Variants in FUT9 observed in about 807,000 individuals in gnomAD.
The protein encoded by FUT9 is 4-galactosyl-N-acetylglucosaminide 3-alpha-L-fucosyltransferase 9.
In FUT9, 15 loss-of-function variants were observed where a neutral mutation model predicts 29.7. The ratio of observed to expected loss-of-function variants is 0.51; its 90% CI spans 0.34 to 0.78. FUT9 has a LOEUF of 0.78. Ranked by LOEUF, FUT9 falls within the 30% of genes least tolerant of loss-of-function variation. The pLI is 0.01. For synonymous variants in FUT9, 169 were observed against 153.7 expected (o/e 1.10, Z -0.74); for missense variants, 319 against 425.4 (o/e 0.75, Z 2.20).
intron 2 of FUT9, among the ~76,000 whole-genome samples, chr6:96,124,303 C>T (rs1401910831): frequency 6.6e-6 from 1 of 151,612 alleles, no homozygotes; most frequent in Non-Finnish European, 1.5e-5. Context: ...AGGCGCCTGC[C>T]ACCACGACCG....
rs1562130965 is a variant in FUT9 at position 96,117,617 on chromosome 6, A to C, written c.-9+3490A>C. ...AGAATTCTTTATTTAAACACAAGAA[A>C]AGTCTCTGAGAATTTAAGTGACTTG... is the stretch of plus-strand genomic sequence containing the variant. On this transcript the variant is annotated intron_variant, in intron 2 of 2. Coordinates refer to ENST00000302103, the MANE Select transcript of FUT9 (RefSeq NM_006581.4). Among the ~76,000 whole-genome samples, 5 of 152,212 alleles carry C rather than the reference A, an allele frequency of 3.3e-5. No homozygotes were observed. In the South Asian group the frequency reaches 1.0e-3, roughly 31 times the overall value.
chr6:96,025,549 T>C (rs1457779173), intron 1 of FUT9, among the ~76,000 whole-genome samples: 1 of 151,738 alleles, frequency 6.6e-6, no homozygotes, highest in Non-Finnish European at 1.5e-5. Context: ...CCCTTAGTTA[T>C]GTTTCTGTGT....
At chr6:96,055,386 G>C (rs576292963) in intron 1 of FUT9, among the ~76,000 whole-genome samples, 1 of 149,252 alleles carries the variant, frequency 6.7e-6, no homozygotes, top group Non-Finnish European at 1.5e-5. Flanking sequence ...TTTGGGGTTT[G>C]TTTTTTTTCT....
intron 1 of FUT9, among the ~76,000 whole-genome samples, chr6:96,018,644 G>C (rs1227796711): frequency 6.6e-6 from 1 of 151,994 alleles, no homozygotes; most frequent in African/African-American, 2.4e-5. Flanking sequence ...ACGGGTTTAA[G>C]TATTTGCAAT....
chr6:96,195,421 G>A (rs1022454472), intron 2 of FUT9, among the ~76,000 whole-genome samples: 9 of 152,096 alleles, frequency 5.9e-5, no homozygotes, highest in African/African-American at 2.2e-4. Flanking sequence ...TTTGAGAAAG[G>A]TTCACAAACA....
chr6:96,203,690 G>T lies in FUT9; in HGVS notation c.535G>T (p.Val179Leu). ...GFLTVSTNPF[V>L]FEVPSKEKLV... Reference sequence around the variant, plus strand: ...CTTGACGGTAAGCACAAATCCCTTCGTGTTTGAAGTGCCAAGCAAAGAGAA... The same window carrying T: ...CTTGACGGTAAGCACAAATCCCTTCTTGTTTGAAGTGCCAAGCAAAGAGAA... The change falls in exon 3 of 3, where the codon GTG (valine) becomes TTG (leucine). Residue 179 changes from valine (V) to leucine (L), a missense_variant. Transcript: ENST00000302103. 6.2e-7 allele frequency: 1 copy of T among 1,613,990 alleles called. No individual in the cohort carries two copies. The highest frequency in any genetic ancestry group is 1.3e-5 in the African/African-American group (1 of 75,022).
intron 1 of FUT9, among the ~76,000 whole-genome samples, chr6:96,073,696 G>T (rs1290728168): frequency 6.6e-6 from 1 of 152,050 alleles, no homozygotes; most frequent in South Asian, 2.1e-4. Context: ...AAGGGCGATG[G>T]GGAACAGAAA....
chr6:96,164,819 G>T (rs1414195040), intron 2 of FUT9, among the ~76,000 whole-genome samples: 2 of 152,120 alleles, frequency 1.3e-5, no homozygotes, highest in African/African-American at 4.8e-5. Context: ...TTTATTTTTG[G>T]TTTCCAAAAC....
chr6:96,122,932 C>G (rs1053557861), intron 2 of FUT9, among the ~76,000 whole-genome samples: 1 of 151,442 alleles, frequency 6.6e-6, no homozygotes, highest in Non-Finnish European at 1.5e-5. Flanking sequence ...TGGTGGCGGG[C>G]GCCTGTAGTC....
At chr6:96,035,307 T>C (rs184295752) in intron 1 of FUT9, among the ~76,000 whole-genome samples, 2 of 151,626 alleles carry the variant, frequency 1.3e-5, no homozygotes, top group Admixed American at 1.3e-4. Flanking sequence ...CTATTATTGG[T>C]ATGACAAAAA....
intron 2 of FUT9, among the ~76,000 whole-genome samples, chr6:96,178,148 G>C (rs1773239694): frequency 6.6e-6 from 1 of 152,158 alleles, no homozygotes; most frequent in Non-Finnish European, 1.5e-5. Context: ...GCAGGAAAAA[G>C]ATAGGAAAGG....
At chr6:96,147,485 C>T (rs568610887) in intron 2 of FUT9, among the ~76,000 whole-genome samples, 2 of 152,162 alleles carry the variant, frequency 1.3e-5, no homozygotes, top group South Asian at 4.1e-4. Flanking sequence ...TTTCATTATC[C>T]TCATGTTTGT....
At chr6:96,174,221 T>C (rs1287344281) in intron 2 of FUT9, among the ~76,000 whole-genome samples, 1 of 152,106 alleles carries the variant, frequency 6.6e-6, no homozygotes, top group Admixed American at 6.5e-5. Context: ...TGACTCAAAA[T>C]TAATGTCCTA....
intron 1 of FUT9, among the ~76,000 whole-genome samples, chr6:96,054,205 A>C (rs150910158): frequency 1.8e-3 from 270 of 151,954 alleles, no homozygotes; most frequent in African/African-American, 6.2e-3. Flanking sequence ...CCTTCAATCA[A>C]CTCTTCTTTA....
At chr6:96,096,416 T>G (rs1157799644) in intron 1 of FUT9, among the ~76,000 whole-genome samples, 1 of 152,160 alleles carries the variant, frequency 6.6e-6, no homozygotes, top group Non-Finnish European at 1.5e-5. Context: ...AAAATATAAG[T>G]CAGCTCATAT....
chr6:96,173,898 T>A (rs1344123225), intron 2 of FUT9, among the ~76,000 whole-genome samples: 1 of 152,122 alleles, frequency 6.6e-6, no homozygotes, highest in Non-Finnish European at 1.5e-5. Context: ...AAATTTTCTA[T>A]TAAAAAACCA....
At chr6:96,073,487 G>C (rs1051803471) in intron 1 of FUT9, among the ~76,000 whole-genome samples, 2 of 151,892 alleles carry the variant, frequency 1.3e-5, no homozygotes, top group African/African-American at 2.4e-5. Flanking sequence ...ATAAAGGATG[G>C]TATTACTGAT....
chr6:96,082,931 C>T (rs1771261822), intron 1 of FUT9, among the ~76,000 whole-genome samples: 1 of 151,760 alleles, frequency 6.6e-6, no homozygotes, highest in South Asian at 2.1e-4. Context: ...CTACATTAAC[C>T]ATAAGGGATA....
At chr6:96,141,244 G>T (rs1204504844) in intron 2 of FUT9, among the ~76,000 whole-genome samples, 1 of 152,076 alleles carries the variant, frequency 6.6e-6, no homozygotes, top group Non-Finnish European at 1.5e-5. Flanking sequence ...ATAAAATCTA[G>T]ACAGAATATA....
Sources: gnomAD v4.1 joint callset for allele counts (sites outside exome capture counted in the v4.1 genomes callset) on GRCh38, gnomAD v4.1.1 for gene constraint, MANE v1.5 for transcripts, NCBI Gene and HGNC (gene_info 2026-07-23, HGNC 2026-07-21) for gene names.